The following MEGF11 variants were observed in gnomAD, a reference collection of about 807,000 sequenced individuals.
MEGF11 encodes multiple epidermal growth factor-like domains protein 11.
Under a neutral mutation model 146.6 loss-of-function variants are expected in MEGF11, and 126 were observed. The ratio of observed to expected loss-of-function variants is 0.86; its 90% CI spans 0.74 to 1.00. MEGF11 has a LOEUF of 1.00. Ranked by LOEUF, MEGF11 falls within the 50% of genes least tolerant of loss-of-function variation. The pLI, the probability that MEGF11 is intolerant of heterozygous loss-of-function variation, is 0.00. For missense variants in MEGF11, 1,509 were observed against 1,521.2 expected (o/e 0.99, Z 0.13); for synonymous variants, 532 against 583.4 (o/e 0.91, Z 1.27).
intron 22 of MEGF11, 93 bp from the exon 23 acceptor site, chr15:65,909,228 A>G (rs1470917717): frequency 4.5e-6 from 4 of 886,016 alleles, no homozygotes; most frequent in African/African-American, 1.6e-5. Context: ...GGCCAGGGTC[A>G]GGGTGAGGCA....
At chr15:66,002,366 G>T (rs2082395072) in intron 5 of MEGF11, among the ~76,000 whole-genome samples, 2 of 152,186 alleles carry the variant, frequency 1.3e-5, no homozygotes, top group Admixed American at 1.3e-4. Flanking sequence ...CGGGGGTGGA[G>T]TCTGGTCACT....
chr15:66,006,539 G>A (rs1026909416), intron 5 of MEGF11, among the ~76,000 whole-genome samples: 6 of 152,186 alleles, frequency 3.9e-5, no homozygotes, highest in African/African-American at 1.2e-4. Flanking sequence ...TGGGCCCAGG[G>A]ATTCCAGACA....
intron 1 of MEGF11, among the ~76,000 whole-genome samples, chr15:66,137,796 C>T (rs1259149892): frequency 6.6e-6 from 1 of 152,036 alleles, no homozygotes; most frequent in South Asian, 2.1e-4. Context: ...GATCCTCCAG[C>T]CTCAGCCTCC....
chr15:65,981,387 A>G (rs2081633330), intron 6 of MEGF11, among the ~76,000 whole-genome samples: 1 of 152,162 alleles, frequency 6.6e-6, no homozygotes, highest in African/African-American at 2.4e-5. Flanking sequence ...AGCTCCCATG[A>G]CAGGCTCATT....
chr15:65,930,303 T>G (rs539317253), intron 11 of MEGF11, among the ~76,000 whole-genome samples: 1 of 152,284 alleles, frequency 6.6e-6, no homozygotes, highest in Non-Finnish European at 1.5e-5. Flanking sequence ...GGCTGACCCC[T>G]GCAGGCTGCA....
At chr15:66,226,940 C>A (rs2091866169) in intron 1 of MEGF11, among the ~76,000 whole-genome samples, 1 of 152,184 alleles carries the variant, frequency 6.6e-6, no homozygotes, top group Non-Finnish European at 1.5e-5. Flanking sequence ...AGCCAGCAGT[C>A]AAGTCACAAG....
At chr15:65,949,976 C>T (rs1040455829) in intron 10 of MEGF11, among the ~76,000 whole-genome samples, 5 of 152,106 alleles carry the variant, frequency 3.3e-5, no homozygotes, top group Non-Finnish European at 5.9e-5. Context: ...CCCAGGAGCC[C>T]TTCGCAACCC....
At position 65,980,164 on chromosome 15, in the gene MEGF11, T is replaced by C. The variant is rs551712063; in HGVS notation, c.762+614A>G. Among the ~76,000 whole-genome samples the C allele has an allele frequency of 4.5e-4, 68 of 152,326 alleles. No homozygotes were observed. In the Middle Eastern group the frequency reaches 0.01, roughly 23 times the overall value. On this transcript the variant is annotated intron_variant, in intron 7 of 25. Transcript: ENST00000395614. ...CTGGCCCAGGGCCTGTGGCAGCTCATGTGGGTGCTCACACCCAAAGACAAA... is the reference window on the plus strand; with the variant it reads ...CTGGCCCAGGGCCTGTGGCAGCTCACGTGGGTGCTCACACCCAAAGACAAA...
chr15:65,917,939 G>C, intron 16 of MEGF11, 27 bp downstream of exon 16: 2 of 1,613,710 alleles, frequency 1.2e-6, no homozygotes, highest in Non-Finnish European at 1.7e-6. Flanking sequence ...CCCCAGGTAG[G>C]GGCATTCCCA....
At chr15:66,047,953 GT>G (rs112189578) in intron 5 of MEGF11, among the ~76,000 whole-genome samples, 6 of 145,630 alleles carry the variant, frequency 4.1e-5, no homozygotes, top group African/African-American at 1.3e-4. Flanking sequence ...TGGGAGGAGT[GT>G]TTTTTTTTTT....
intron 10 of MEGF11, 134 bp from the exon 11 acceptor site, chr15:65,931,077 A>C: frequency 7.0e-6 from 8 of 1,135,510 alleles, no homozygotes; most frequent in Non-Finnish European, 9.4e-6. Context: ...ATGTTACCTT[A>C]CATGGCAAAA....
intron 7 of MEGF11, among the ~76,000 whole-genome samples, chr15:65,978,179 A>C (rs1391724863): frequency 6.6e-6 from 1 of 152,334 alleles, no homozygotes; most frequent in East Asian, 1.9e-4. Flanking sequence ...TCTGAGTTGG[A>C]AAATGTGTGG....
chr15:65,992,660 C>CT (rs75056469), intron 5 of MEGF11, among the ~76,000 whole-genome samples: 4,579 of 142,244 alleles, frequency 0.032, 219 homozygotes, highest in African/African-American at 0.11. Flanking sequence ...TTATCGGGGA[C>CT]TTTTTTTTTT....
At chr15:66,072,414 T>G (rs1415338786) in intron 5 of MEGF11, among the ~76,000 whole-genome samples, 1 of 152,206 alleles carries the variant, frequency 6.6e-6, no homozygotes, top group Non-Finnish European at 1.5e-5. Context: ...TTTTATTTTC[T>G]TCTTAGCATT....
chr15:66,172,579 T>C (rs76663811), intron 1 of MEGF11, among the ~76,000 whole-genome samples: 1 of 151,978 alleles, frequency 6.6e-6, no homozygotes, highest in Non-Finnish European at 1.5e-5. Context: ...TGATCCCCCC[T>C]CTCTCCTAAT....
At chr15:66,247,591 C>T (rs1253651531) in intron 1 of MEGF11, among the ~76,000 whole-genome samples, 7 of 152,120 alleles carry the variant, frequency 4.6e-5, no homozygotes, top group Non-Finnish European at 1.0e-4. Flanking sequence ...TTGTTCTAGG[C>T]CAAGCCAGGT....
intron 5 of MEGF11, among the ~76,000 whole-genome samples, chr15:66,066,137 G>A (rs2085114628): frequency 6.6e-6 from 1 of 152,140 alleles, no homozygotes; most frequent in African/African-American, 2.4e-5. Context: ...CCCAAATGCC[G>A]GAAGAGGAAG....
intron 5 of MEGF11, among the ~76,000 whole-genome samples, chr15:66,092,356 A>G (rs1318245782): frequency 2.6e-5 from 4 of 152,200 alleles, no homozygotes. Context: ...CCCCTTTTAG[A>G]ACTTCCCATG....
At chr15:66,086,072 C>G (rs1025687601) in intron 5 of MEGF11, among the ~76,000 whole-genome samples, 1 of 151,352 alleles carries the variant, frequency 6.6e-6, no homozygotes, top group Non-Finnish European at 1.5e-5. Flanking sequence ...ATTCAGAGCT[C>G]GAAGACAAGG....
Sources: gnomAD v4.1 joint callset for allele counts (sites outside exome capture counted in the v4.1 genomes callset) on GRCh38, gnomAD v4.1.1 for gene constraint, MANE v1.5 for transcripts, NCBI Gene and HGNC (gene_info 2026-07-23, HGNC 2026-07-21) for gene names.